Variants in PCDHGB1 observed in about 807,000 individuals in gnomAD.
PCDHGB1 encodes protocadherin gamma-B1.
PCDHGB1 carries 34 observed loss-of-function variants against 56.6 expected under a neutral mutation model. The observed-to-expected ratio is 0.60, with a 90% CI of 0.46 to 0.80. The LOEUF is 0.80. PCDHGB1 is among the 30% of genes least tolerant of loss of function. The pLI is 0.00. For synonymous variants in PCDHGB1, 561 were observed against 505.9 expected, an observed-to-expected ratio of 1.11 and a Z score of -1.46; for missense variants, 1,278 against 1,204.6, an observed-to-expected ratio of 1.06 and a Z score of -0.90.
At chr5:141,417,001 A>G (rs1590037654) in intron 1 of PCDHGB1, 1 of 150,924 alleles carries the variant, frequency 6.6e-6, no homozygotes, top group African/African-American at 2.5e-5. Context: ...TTCATCTCAA[A>G]TAATTCTATT....
At chr5:141,450,587 A>G (rs1396203849) in intron 1 of PCDHGB1, among the ~76,000 whole-genome samples, 1 of 151,720 alleles carries the variant, frequency 6.6e-6, no homozygotes, top group East Asian at 1.9e-4. Flanking sequence ...CCCAGGTTCA[A>G]GCAATTCTCC....
At chr5:141,483,737 G>T (rs1052778197) in intron 1 of PCDHGB1, among the ~76,000 whole-genome samples, 1 of 152,102 alleles carries the variant, frequency 6.6e-6, no homozygotes, top group Admixed American at 6.5e-5. Flanking sequence ...TAGTCAAAAG[G>T]ATATTCCTGA....
At chr5:141,387,728 C>A (rs1366349422) in intron 1 of PCDHGB1, 3 of 1,221,130 alleles carry the variant, frequency 2.5e-6, no homozygotes, top group Non-Finnish European at 2.2e-6. Flanking sequence ...TCCCCAGCGC[C>A]AGCCTTTACA....
rs979237199 is a variant in PCDHGB1, at chr5:141,477,828, G to C, written c.2410-16979G>C. On this transcript the variant is annotated intron_variant, in intron 1 of 3. Transcript: ENST00000523390. This position sits in a 1 kb window ranked among gnomAD's most constrained non-coding sequence, Gnocchi z 4.9. Reference sequence around the variant, plus strand: ...AATGCCCCCCAGGTCCTATATCCTCGGCCAGGTGGGAGCTCGGTGGAGATG... The same window carrying C: ...AATGCCCCCCAGGTCCTATATCCTCCGCCAGGTGGGAGCTCGGTGGAGATG... The C allele has an allele frequency of 3.7e-6, 6 of 1,614,082 alleles. No individual in the cohort carries two copies. The highest frequency in any genetic ancestry group is 3.4e-6 in the Non-Finnish European group (4 of 1,180,006).
At chr5:141,377,180 A>G (rs1032248697) in intron 1 of PCDHGB1, 4 of 152,210 alleles carry the variant, frequency 2.6e-5, no homozygotes, top group African/African-American at 9.7e-5. Flanking sequence ...TCTTCTTGGC[A>G]AACTATTTGT....
chr5:141,362,509 AATC>A lies in PCDHGB1; in HGVS notation c.2409+9843_2409+9845del, dbSNP rs1561527217. ...CAATGCCTCTTGGGAACAAAATACAAATCATGGAGCCGCTGGGGTCCCTTTTGC... is the reference window on the plus strand; with the variant it reads ...CAATGCCTCTTGGGAACAAAATACAAATGGAGCCGCTGGGGTCCCTTTTGC... On this transcript the variant is annotated intron_variant, in intron 1 of 3. Coordinates refer to ENST00000523390, the MANE Select transcript of PCDHGB1 (RefSeq NM_018922.3). The A allele has an allele frequency of 5.0e-6, 8 of 1,613,920 alleles. No homozygotes were observed. The South Asian group carries it at 7.7e-5, about 16-fold the overall frequency.
chr5:141,482,160 T>G (rs577572891), intron 1 of PCDHGB1, among the ~76,000 whole-genome samples: 1 of 151,854 alleles, frequency 6.6e-6, no homozygotes, highest in Admixed American at 6.6e-5. Context: ...GTCAAAGATA[T>G]GTAAGATTAA....
At position 141,487,100 on chromosome 5, in the gene PCDHGB1, C is replaced by T. The variant is rs183291629; in HGVS notation, c.2410-7707C>T. On this transcript the variant is annotated intron_variant, in intron 1 of 3. Coordinates refer to ENST00000523390, the MANE Select transcript of PCDHGB1 (RefSeq NM_018922.3). The surrounding 1 kb of genome is among the most constrained non-coding windows in gnomAD (Gnocchi z 5.0). ...CCCAGCTGACCTCCCACCACAGAAG[C>T]TGGTCATTGTGGTAAAGGATAGTGG... The T allele has an allele frequency of 5.6e-4, 909 of 1,614,074 alleles. 2 individuals carry two copies. Among genetic ancestry groups the T allele is most frequent in the Non-Finnish European group, 1.4e-4 (168 of 1,179,960 alleles).
intron 1 of PCDHGB1, among the ~76,000 whole-genome samples, chr5:141,459,678 G>A (rs1240789253): frequency 2.0e-5 from 3 of 152,184 alleles, no homozygotes; most frequent in African/African-American, 7.2e-5. Flanking sequence ...CATGAGCAAT[G>A]CATAAAGCGT....
At chr5:141,364,915 G>T (rs1763616813) in intron 1 of PCDHGB1, 1 of 1,613,946 alleles carries the variant, frequency 6.2e-7, no homozygotes, top group East Asian at 2.2e-5. Flanking sequence ...CGGAGCTGGT[G>T]TTGGAACAGC....
intron 1 of PCDHGB1, among the ~76,000 whole-genome samples, chr5:141,444,402 C>T (rs916833331): frequency 6.6e-6 from 1 of 151,932 alleles, no homozygotes; most frequent in African/African-American, 2.4e-5. Flanking sequence ...AACTCCCAAC[C>T]TCAGGTGATC....
intron 1 of PCDHGB1, chr5:141,414,623 C>G: frequency 6.2e-7 from 1 of 1,613,938 alleles, no homozygotes; most frequent in South Asian, 1.1e-5. Context: ...GCGCTGGACC[C>G]GGACAGCAAA....
At chr5:141,386,407 G>T (rs2090565915) in intron 1 of PCDHGB1, among the ~76,000 whole-genome samples, 1 of 152,034 alleles carries the variant, frequency 6.6e-6, no homozygotes, top group Non-Finnish European at 1.5e-5. Flanking sequence ...GCCAGGTATG[G>T]TGTTGCAAGC....
chr5:141,374,955 T>C (rs1213878932), intron 1 of PCDHGB1: 2 of 1,613,888 alleles, frequency 1.2e-6, no homozygotes. Flanking sequence ...ATCTCACAAA[T>C]TTTCTGTTTG....
At chr5:141,384,646 G>A (rs1780315410) in intron 1 of PCDHGB1, 2 of 1,614,230 alleles carry the variant, frequency 1.2e-6, no homozygotes, top group Non-Finnish European at 1.7e-6. Flanking sequence ...CCGCTCCGCA[G>A]AGCCCGGCTA....
At chr5:141,506,597 C>T (rs937487600) in intron 3 of PCDHGB1, among the ~76,000 whole-genome samples, 4 of 152,150 alleles carry the variant, frequency 2.6e-5, no homozygotes, top group Admixed American at 6.5e-5. Context: ...ACAGTATTAA[C>T]GGATCTCATT....
chr5:141,415,740 GTTTTTTTTT>G (rs57426385), intron 1 of PCDHGB1: 9,508 of 621,550 alleles, frequency 0.015, 13 homozygotes, highest in Non-Finnish European at 0.016. Context: ...GTTTATTAAG[GTTTTTTTTT>G]TTTTTTTTTT....
In PCDHGB1 at chr5:141,394,083, G is replaced by A. The variant is rs146481056; in HGVS notation, c.2409+41414G>A. The A allele has an allele frequency of 3.1e-6, 5 of 1,613,826 alleles. No individual in the cohort carries two copies. The East Asian group carries it at 6.7e-5, about 22-fold the overall frequency. On this transcript the variant is annotated intron_variant, in intron 1 of 3. Transcript: ENST00000523390. ...CTCTATCTACAATATCACAGTGATG[G>A]CCTCAGATCTAGGAACACCACCTCT... is the stretch of plus-strand genomic sequence containing the variant.
intron 1 of PCDHGB1, among the ~76,000 whole-genome samples, chr5:141,435,698 A>G (rs954167256): frequency 1.3e-5 from 2 of 152,184 alleles, no homozygotes; most frequent in African/African-American, 4.8e-5. Context: ...CTTATTGTAG[A>G]GTGGTTACAG....
Sources: allele counts gnomAD v4.1 joint callset (sites outside exome capture counted in the v4.1 genomes callset), GRCh38; gene constraint gnomAD v4.1.1; non-coding constraint Gnocchi (gnomAD v3.1); transcripts MANE v1.5; gene names NCBI Gene and HGNC (gene_info 2026-07-23, HGNC 2026-07-21).